RNF150: variants seen among roughly 807,000 people sequenced by gnomAD.
RNF150 encodes ring finger protein 150.
A neutral mutation model predicts 39.3 loss-of-function variants in RNF150; 24 were observed. That is an observed-to-expected ratio of 0.61 (90% CI 0.44 to 0.86). RNF150 has a LOEUF of 0.86. Ranked by LOEUF, RNF150 falls within the 40% of genes least tolerant of loss-of-function variation. The pLI, the probability that RNF150 is intolerant of heterozygous loss-of-function variation, is 0.00. For synonymous variants in RNF150, 255 were observed against 227.3 expected (o/e 1.12, Z -1.10); for missense variants, 502 against 587.8 (o/e 0.85, Z 1.51).
chr4:141,014,903 G>T (rs913338987), intron 1 of RNF150, among the ~76,000 whole-genome samples: 1 of 152,078 alleles, frequency 6.6e-6, no homozygotes, highest in African/African-American at 2.4e-5. Context: ...CTAGACCAAT[G>T]TCATGGGCTT....
intron 1 of RNF150, among the ~76,000 whole-genome samples, chr4:141,118,086 T>C (rs752554652): frequency 4.6e-5 from 7 of 152,172 alleles, no homozygotes; most frequent in Admixed American, 1.3e-4. Flanking sequence ...CCAGTATCAT[T>C]TGGTCATCTC....
intron 1 of RNF150, among the ~76,000 whole-genome samples, chr4:141,141,539 T>A (rs1308170208): frequency 6.6e-6 from 1 of 152,206 alleles, no homozygotes; most frequent in African/African-American, 2.4e-5. Flanking sequence ...GAATGGTTCA[T>A]GCCTGTAATT....
chr4:140,890,466 G>A (rs1433777196), intron 6 of RNF150, among the ~76,000 whole-genome samples: 1 of 152,178 alleles, frequency 6.6e-6, no homozygotes, highest in Non-Finnish European at 1.5e-5. Flanking sequence ...TATGTTGAAA[G>A]CTTAAACCCC....
chr4:141,149,425 T>C (rs2111138063), intron 1 of RNF150, among the ~76,000 whole-genome samples: 1 of 152,270 alleles, frequency 6.6e-6, no homozygotes. Context: ...GTCCAATATA[T>C]CATTCTTATG....
At chr4:140,880,863 T>C (rs558991338) in intron 6 of RNF150, among the ~76,000 whole-genome samples, 1 of 152,210 alleles carries the variant, frequency 6.6e-6, no homozygotes, top group East Asian at 1.9e-4. Flanking sequence ...AGTTGTAATG[T>C]CTCCTCTTTA....
In RNF150 at chr4:140,967,705, A is replaced by G. The variant is rs1251404570; in HGVS notation, c.653T>C (p.Val218Ala). Residue 218 changes from valine (V) to alanine (A), a missense_variant, in exon 2 of 7, where the codon GTC becomes GCC. Val to Ala is a moderately conservative substitution (Grantham distance 64, BLOSUM62 0). Coordinates refer to ENST00000515673, the MANE Select transcript of RNF150 (RefSeq NM_020724.2). ...CCATGCGAGGGAAATGATCATCAGG[A>G]CAATGAAGGAGATGGAGACAAACAC... ...SVVFVSISFI[V>A]LMIISLAWLV... 1.2e-6 allele frequency: 2 copies of G among 1,613,482 alleles called. No homozygotes were observed. Among genetic ancestry groups the G allele is most frequent in the Non-Finnish European group, 1.7e-6 (2 of 1,179,642 alleles).
chr4:140,954,255 C>T lies in RNF150; in HGVS notation c.736-4883G>A, dbSNP rs147592150. Among the ~76,000 whole-genome samples, 1,063 of 152,124 alleles carry T rather than the reference C, an allele frequency of 7.0e-3. 37 individuals carry two copies. Among genetic ancestry groups the T allele is most frequent in the Admixed American group, 0.052 (787 of 15,266 alleles). On this transcript the variant is annotated intron_variant, in intron 2 of 6. Transcript: ENST00000515673. ...TTGAGACAGAGTTGTGCTCTGTCAC[C>T]CAGGCTGGAGTGCAATGGCGTGAAT... is the stretch of plus-strand genomic sequence containing the variant.
At chr4:141,148,599 C>T (rs942471506) in intron 1 of RNF150, among the ~76,000 whole-genome samples, 4 of 152,064 alleles carry the variant, frequency 2.6e-5, no homozygotes, top group Non-Finnish European at 4.4e-5. Flanking sequence ...CACTACCATA[C>T]CCGGCTACTT....
intron 6 of RNF150, among the ~76,000 whole-genome samples, chr4:140,891,268 C>T (rs1311953261): frequency 6.6e-6 from 1 of 152,182 alleles, no homozygotes; most frequent in Non-Finnish European, 1.5e-5. Context: ...CATTTTACAG[C>T]AGGCTACCTA....
At position 141,027,926 on chromosome 4, in the gene RNF150, GTTTTT is replaced by G. The variant is rs61543533; in HGVS notation, c.485-60058_485-60054del. ...GCTTGGAATTTGTTTTTTTTTTTTTGTTTTTTTTTTTTTTTTTTTTTTTTTTCAAT... is the reference window on the plus strand; with the variant it reads ...GCTTGGAATTTGTTTTTTTTTTTTTGTTTTTTTTTTTTTTTTTTTTTCAAT... On this transcript the variant is annotated intron_variant, in intron 1 of 6. Transcript: ENST00000515673. Among the ~76,000 whole-genome samples the G allele has an allele frequency of 1.4e-4, 10 of 69,152 alleles. 1 individual carries two copies. Among genetic ancestry groups the G allele is most frequent in the East Asian group, 1.1e-3 (2 of 1,756 alleles). The allele number at this position is 69,152 out of a possible 152,430, so 45.4% of individuals were successfully genotyped here.
intron 1 of RNF150, among the ~76,000 whole-genome samples, chr4:141,027,347 T>C (rs1735740147): frequency 6.6e-6 from 1 of 152,210 alleles, no homozygotes; most frequent in African/African-American, 2.4e-5. Flanking sequence ...ACAATGACTT[T>C]TATTTGAAAA....
chr4:140,917,818 T>G (rs6839371), intron 5 of RNF150, among the ~76,000 whole-genome samples: 147,369 of 149,680 alleles, frequency 0.98, 72,602 homozygotes, highest in East Asian at 1. Flanking sequence ...AAATGTAAAG[T>G]AACAGAAATT....
chr4:140,874,054 A>G (rs1188854448), intron 6 of RNF150, among the ~76,000 whole-genome samples: 1 of 152,148 alleles, frequency 6.6e-6, no homozygotes, highest in Non-Finnish European at 1.5e-5. Flanking sequence ...AGTAAAATCC[A>G]TCAGTAGCCT....
intron 1 of RNF150, among the ~76,000 whole-genome samples, chr4:141,159,421 C>T (rs1727473892): frequency 6.6e-6 from 1 of 152,130 alleles, no homozygotes; most frequent in Admixed American, 6.5e-5. Context: ...AAACTCTCAG[C>T]CATATGAGTT....
chr4:140,989,318 A>C (rs1734116303), intron 1 of RNF150, among the ~76,000 whole-genome samples: 2 of 152,112 alleles, frequency 1.3e-5, no homozygotes, highest in Non-Finnish European at 2.9e-5. Flanking sequence ...GCTCATTCAA[A>C]AAAAAAGTAC....
chr4:140,930,074 T>C (rs930410968), intron 4 of RNF150, among the ~76,000 whole-genome samples: 4 of 152,088 alleles, frequency 2.6e-5, no homozygotes. Context: ...CATGGGAGAA[T>C]TGCTTGAACC....
chr4:141,131,568 C>T (rs939399621), intron 1 of RNF150, among the ~76,000 whole-genome samples: 6 of 152,160 alleles, frequency 3.9e-5, no homozygotes, highest in Admixed American at 1.3e-4. Context: ...CTGGTACCTG[C>T]GATCATTAAC....
chr4:141,144,071 G>A (rs1416529000), intron 1 of RNF150, among the ~76,000 whole-genome samples: 1 of 152,028 alleles, frequency 6.6e-6, no homozygotes, highest in African/African-American at 2.4e-5. Context: ...TATATTCAAT[G>A]CTTATCATGG....
chr4:141,066,340 T>G (rs1212165588), intron 1 of RNF150, among the ~76,000 whole-genome samples: 3 of 152,192 alleles, frequency 2.0e-5, no homozygotes, highest in Non-Finnish European at 4.4e-5. Context: ...AGCTCATTTT[T>G]TGCAAGGGTA....
Sources: gnomAD v4.1 joint callset for allele counts (sites outside exome capture counted in the v4.1 genomes callset) on GRCh38, gnomAD v4.1.1 for gene constraint, MANE v1.5 for transcripts, NCBI Gene and HGNC (gene_info 2026-07-23, HGNC 2026-07-21) for gene names.